SGCZ: variants seen among roughly 807,000 people sequenced by gnomAD.
SGCZ encodes sarcoglycan zeta, also known as zeta-sarcoglycan.
In SGCZ, 40 loss-of-function variants were observed where a neutral mutation model predicts 41.3. That is an observed-to-expected ratio of 0.97 (90% confidence interval 0.75 to 1.26). The LOEUF (loss-of-function observed/expected upper bound fraction) is 1.26. Among genes scored for constraint, SGCZ ranks in the 50% most tolerant of loss-of-function variants. The pLI is 0.00. For synonymous variants in SGCZ, 206 were observed against 137.5 expected, an observed-to-expected ratio of 1.50 and a Z score of -3.49; for missense variants, 552 against 369.8, an observed-to-expected ratio of 1.49 and a Z score of -4.04.
intron 4 of SGCZ, among the ~76,000 whole-genome samples, chr8:14,190,182 C>A (rs1429353935): frequency 6.6e-6 from 1 of 150,572 alleles, no homozygotes; most frequent in African/African-American, 2.4e-5. Flanking sequence ...CCGGCTAATT[C>A]TTTGTATTTT....
At chr8:15,223,566 T>C (rs1037701339) in intron 1 of SGCZ, among the ~76,000 whole-genome samples, 1 of 152,206 alleles carries the variant, frequency 6.6e-6, no homozygotes, top group Non-Finnish European at 1.5e-5. Flanking sequence ...CTAAAAGAGA[T>C]GGTGCTATTT....
chr8:14,706,575 T>C (rs17116188), intron 1 of SGCZ, among the ~76,000 whole-genome samples: 5,788 of 152,178 alleles, frequency 0.038, 382 homozygotes, highest in African/African-American at 0.13. Context: ...AGTCCAGTAA[T>C]TCTAAGTTGG....
At chr8:15,183,004 G>C (rs1800223219) in intron 1 of SGCZ, among the ~76,000 whole-genome samples, 2 of 152,138 alleles carry the variant, frequency 1.3e-5, no homozygotes, top group South Asian at 2.1e-4. Context: ...CACAGGATCA[G>C]GGTTATCAAC....
At chr8:14,300,823 G>A (rs181656205) in intron 3 of SGCZ, among the ~76,000 whole-genome samples, 1 of 151,996 alleles carries the variant, frequency 6.6e-6, no homozygotes, top group Non-Finnish European at 1.5e-5. Flanking sequence ...CAGGCTATTT[G>A]TTTCCTTGCT....
At position 15,238,387 on chromosome 8, in the gene SGCZ, C is replaced by A. The variant is rs1319679587; in HGVS notation, c.-764G>T. 6.6e-6 allele frequency: 1 copy of A among 152,242 alleles called. No homozygotes were observed. The highest frequency in any genetic ancestry group is 1.5e-5 in the Non-Finnish European group (1 of 68,064). The allele number at this position is 152,242 out of a possible 1,614,324, so 9.4% of individuals were successfully genotyped here. A position where few individuals can be genotyped will look rare whatever the true frequency, so the allele number is the denominator to read the frequency against. On this transcript the variant is annotated 5_prime_UTR_variant, in exon 1 of 8. Coordinates refer to ENST00000382080, the MANE Select transcript of SGCZ (RefSeq NM_139167.4). ...TGCTTCGCTGTTTTACTGGCCTTCACCACCAGGTGACTGACTTCGCTTCTC... is the reference window on the plus strand; with the variant it reads ...TGCTTCGCTGTTTTACTGGCCTTCAACACCAGGTGACTGACTTCGCTTCTC...
chr8:14,381,985 G>A lies in SGCZ; in HGVS notation c.235-57781C>T, dbSNP rs1481855060. Among the ~76,000 whole-genome samples the A allele has an allele frequency of 1.4e-4, 22 of 151,988 alleles. 1 individual carries two copies. Among genetic ancestry groups the A allele is most frequent in the Admixed American group, 1.4e-3 (22 of 15,264 alleles). ...GATTAGTTCCTTGTTGGTCAAATTT[G>A]TTCCATGTTTAGCTTTGTCATTTCC... On this transcript the variant is annotated intron_variant, in intron 2 of 7. Coordinates refer to ENST00000382080, the MANE Select transcript of SGCZ (RefSeq NM_139167.4).
At chr8:14,205,413 T>C (rs1805586442) in intron 4 of SGCZ, among the ~76,000 whole-genome samples, 1 of 152,330 alleles carries the variant, frequency 6.6e-6, no homozygotes, top group African/African-American at 2.4e-5. Flanking sequence ...AATGTTATTC[T>C]GCTTTTTAAT....
At chr8:15,169,782 C>A (rs1274649923) in intron 1 of SGCZ, among the ~76,000 whole-genome samples, 1 of 152,162 alleles carries the variant, frequency 6.6e-6, no homozygotes, top group Non-Finnish European at 1.5e-5. Context: ...CAAATCCCAT[C>A]CATAAGGGCT....
At chr8:14,415,876 C>G (rs966433098) in intron 2 of SGCZ, among the ~76,000 whole-genome samples, 3 of 151,894 alleles carry the variant, frequency 2.0e-5, no homozygotes, top group Admixed American at 1.3e-4. Context: ...AGACTTGGAA[C>G]TGCACTGGTT....
chr8:14,571,085 G>C (rs1804536901), intron 1 of SGCZ, among the ~76,000 whole-genome samples: 1 of 152,170 alleles, frequency 6.6e-6, no homozygotes, highest in Non-Finnish European at 1.5e-5. Flanking sequence ...TTGACTCTCA[G>C]TTCCACATGG....
chr8:14,527,973 T>C (rs1803005968), intron 2 of SGCZ, among the ~76,000 whole-genome samples: 1 of 152,082 alleles, frequency 6.6e-6, no homozygotes, highest in Non-Finnish European at 1.5e-5. Flanking sequence ...AGTTTATCTA[T>C]CATATGAGTG....
intron 1 of SGCZ, among the ~76,000 whole-genome samples, chr8:14,823,055 T>TTAAAAAAAAAAAAA (rs1491314386): frequency 2.6e-5 from 2 of 75,480 alleles, no homozygotes; most frequent in African/African-American, 9.1e-5. Flanking sequence ...CCAATCCTCA[T>TTAAAAAAAAAAAAA]AAAAAAAAAA....
At chr8:14,158,151 G>A (rs1246586355) in intron 5 of SGCZ, among the ~76,000 whole-genome samples, 1 of 151,300 alleles carries the variant, frequency 6.6e-6, no homozygotes, top group Non-Finnish European at 1.5e-5. Context: ...TCTTATAATG[G>A]TCCTTTAATA....
chr8:15,155,113 G>A (rs1799291885), intron 1 of SGCZ, among the ~76,000 whole-genome samples: 1 of 152,026 alleles, frequency 6.6e-6, no homozygotes, highest in Non-Finnish European at 1.5e-5. Flanking sequence ...GAAACATGGT[G>A]AAACATGTAT....
chr8:14,746,190 G>C (rs1440012468), intron 1 of SGCZ, among the ~76,000 whole-genome samples: 1 of 151,948 alleles, frequency 6.6e-6, no homozygotes, highest in Non-Finnish European at 1.5e-5. Context: ...TTCAAACGTA[G>C]AGATTTAAAA....
chr8:14,752,951 G>C (rs562610269), intron 1 of SGCZ, among the ~76,000 whole-genome samples: 1 of 152,194 alleles, frequency 6.6e-6, no homozygotes, highest in African/African-American at 2.4e-5. Flanking sequence ...TAGTAGGATA[G>C]TATTATCATT....
At chr8:15,075,343 C>G (rs1805491914) in intron 1 of SGCZ, among the ~76,000 whole-genome samples, 1 of 152,054 alleles carries the variant, frequency 6.6e-6, no homozygotes. Flanking sequence ...ATTTAAATTC[C>G]CAAATGGCAT....
intron 3 of SGCZ, among the ~76,000 whole-genome samples, chr8:14,260,207 G>T (rs978240442): frequency 3.9e-4 from 60 of 151,956 alleles, no homozygotes; most frequent in African/African-American, 1.4e-3. Flanking sequence ...TCTGACAAAG[G>T]GCTAATATCC....
At chr8:14,586,438 C>T (rs1026398192) in intron 1 of SGCZ, among the ~76,000 whole-genome samples, 5 of 152,120 alleles carry the variant, frequency 3.3e-5, no homozygotes, top group African/African-American at 1.2e-4. Context: ...GGTCTTGACT[C>T]TTGGGCTCAA....
Sources: gnomAD v4.1 joint callset for allele counts (sites outside exome capture counted in the v4.1 genomes callset) on GRCh38, gnomAD v4.1.1 for gene constraint, MANE v1.5 for transcripts, NCBI Gene and HGNC (gene_info 2026-07-23, HGNC 2026-07-21) for gene names.